TLL2: variants seen among roughly 807,000 people sequenced by gnomAD.
TLL2 encodes the protein tolloid like 2.
Under a neutral mutation model 123.0 loss-of-function variants are expected in TLL2, and 106 were observed. The observed-to-expected ratio is 0.86, with a 90% CI of 0.74 to 1.01. TLL2 has a LOEUF of 1.01. TLL2 is among the 50% of genes least tolerant of loss of function. TLL2 has a pLI of 0.00. For missense variants in TLL2, 1,332 were observed against 1,336.7 expected, an observed-to-expected ratio of 1.00 and a Z score of 0.06; for synonymous variants, 494 against 516.8, an observed-to-expected ratio of 0.96 and a Z score of 0.60.
chr10:96,433,449 G>T (rs573058338), intron 3 of TLL2, among the ~76,000 whole-genome samples: 1 of 152,296 alleles, frequency 6.6e-6, no homozygotes, highest in Non-Finnish European at 1.5e-5. Context: ...GGGAAAAGCA[G>T]ACCCTCATAA....
intron 9 of TLL2, among the ~76,000 whole-genome samples, chr10:96,407,096 A>G (rs1846458696): frequency 1.3e-5 from 2 of 151,734 alleles, no homozygotes; most frequent in African/African-American, 2.4e-5. Flanking sequence ...TCTTCCACCC[A>G]TATATCATGT....
At chr10:96,422,863 T>C in intron 5 of TLL2, 136 bp from the exon 6 acceptor site, 3 of 1,064,064 alleles carry the variant, frequency 2.8e-6, no homozygotes, top group Non-Finnish European at 4.1e-6. Context: ...TGCAGTGGCT[T>C]ACGCCTGTAA....
At chr10:96,402,840 C>A (rs1024872339) in intron 10 of TLL2, among the ~76,000 whole-genome samples, 1 of 152,204 alleles carries the variant, frequency 6.6e-6, no homozygotes, top group East Asian at 1.9e-4. Flanking sequence ...CTACCTCAGC[C>A]TTGGCTCCCC....
chr10:96,370,362 G>A (rs1564892043), intron 19 of TLL2, 47 bp from the exon 20 acceptor site: 1 of 1,505,478 alleles, frequency 6.6e-7, no homozygotes. Flanking sequence ...AGACACCCTC[G>A]TGCCTCCCGC....
chr10:96,423,556 G>A (rs538976110), intron 5 of TLL2, among the ~76,000 whole-genome samples: 6 of 151,894 alleles, frequency 4.0e-5, no homozygotes, highest in African/African-American at 7.2e-5. Context: ...TGTACATCTC[G>A]GCTGTAACTC....
intron 3 of TLL2, among the ~76,000 whole-genome samples, chr10:96,443,324 AT>A (rs970125313): frequency 1.1e-4 from 16 of 152,214 alleles, no homozygotes; most frequent in Non-Finnish European, 2.9e-5. Flanking sequence ...CAGGCCTTAA[AT>A]GGACTGGCAA....
intron 9 of TLL2, 58 bp from the exon 10 acceptor site, chr10:96,405,392 A>G: frequency 6.5e-7 from 1 of 1,529,580 alleles, no homozygotes; most frequent in South Asian, 1.1e-5. Flanking sequence ...GTTTGGGAAG[A>G]TATATCTTGC....
intron 16 of TLL2, among the ~76,000 whole-genome samples, chr10:96,379,693 A>G (rs1039735839): frequency 1.3e-5 from 2 of 152,166 alleles, no homozygotes; most frequent in Non-Finnish European, 2.9e-5. Context: ...GTGGTGGTGC[A>G]TGCCTGTAAT....
At chr10:96,502,735 G>T (rs1847546665) in intron 1 of TLL2, among the ~76,000 whole-genome samples, 1 of 152,146 alleles carries the variant, frequency 6.6e-6, no homozygotes, top group South Asian at 2.1e-4. Flanking sequence ...GGTAGCTTGA[G>T]GCTGTTGCTG....
At position 96,371,760 on chromosome 10, in the gene TLL2, C is replaced by T. The variant is rs367671939; in HGVS notation, c.2663-1445G>A. Among the ~76,000 whole-genome samples, 17 of 152,324 alleles carry T rather than the reference C, an allele frequency of 1.1e-4. No individual in the cohort carries two copies. In the South Asian group the frequency reaches 1.7e-3, roughly 15 times the overall value. Reference sequence around the variant, plus strand: ...GACCCCTGGCCTACATCGATGACCCCGTGCCTTCTGCTGCAGGTTCAGCCA... The same window carrying T: ...GACCCCTGGCCTACATCGATGACCCTGTGCCTTCTGCTGCAGGTTCAGCCA... On this transcript the variant is annotated intron_variant, in intron 19 of 20. Coordinates refer to ENST00000357947, the MANE Select transcript of TLL2 (RefSeq NM_012465.4).
chr10:96,497,666 C>T (rs535903993), intron 1 of TLL2, among the ~76,000 whole-genome samples: 2 of 152,350 alleles, frequency 1.3e-5, no homozygotes, highest in African/African-American at 2.4e-5. Context: ...CTGCCCCTCA[C>T]CACAGGGATA....
chr10:96,441,835 T>A (rs1846853610), intron 3 of TLL2, among the ~76,000 whole-genome samples: 1 of 152,210 alleles, frequency 6.6e-6, no homozygotes, highest in African/African-American at 2.4e-5. Context: ...CCAAGTAAAC[T>A]GACGTAAGTG....
intron 5 of TLL2, among the ~76,000 whole-genome samples, chr10:96,425,261 C>G (rs1298482266): frequency 1.6e-5 from 1 of 63,922 alleles, no homozygotes; most frequent in Non-Finnish European, 3.9e-5. Context: ...TTACTGTTTT[C>G]TCTCTCTCTC....
chr10:96,402,396 A>T (rs1846405266), intron 10 of TLL2, among the ~76,000 whole-genome samples: 1 of 152,178 alleles, frequency 6.6e-6, no homozygotes, highest in Non-Finnish European at 1.5e-5. Flanking sequence ...ATTCCAATTC[A>T]CGGTCTCCCA....
chr10:96,415,858 G>A (rs1334244513), intron 7 of TLL2, among the ~76,000 whole-genome samples: 1 of 145,312 alleles, frequency 6.9e-6, no homozygotes, highest in Non-Finnish European at 1.5e-5. Context: ...ACATCACTTT[G>A]TTATCTTTTT....
chr10:96,459,628 C>T (rs545520590), intron 2 of TLL2, among the ~76,000 whole-genome samples: 10 of 123,368 alleles, frequency 8.1e-5, no homozygotes, highest in African/African-American at 3.1e-4. Context: ...CAAAATTGTG[C>T]CACTGCACTC....
chr10:96,509,035 C>A (rs1035814415), intron 1 of TLL2, among the ~76,000 whole-genome samples: 5 of 152,066 alleles, frequency 3.3e-5, no homozygotes, highest in Non-Finnish European at 7.4e-5. Flanking sequence ...ACTTAGAATC[C>A]AGCTGCCATG....
At chr10:96,401,383 A>G (rs1056649971) in intron 10 of TLL2, among the ~76,000 whole-genome samples, 2 of 152,174 alleles carry the variant, frequency 1.3e-5, no homozygotes, top group Non-Finnish European at 2.9e-5. Flanking sequence ...GGCCGACACA[A>G]TGCACTTGTT....
intron 2 of TLL2, among the ~76,000 whole-genome samples, chr10:96,468,749 G>C (rs1847152496): frequency 6.6e-6 from 1 of 152,146 alleles, no homozygotes; most frequent in South Asian, 2.1e-4. Flanking sequence ...TGCCCCACCT[G>C]GCCCTGCACC....
Sources: gnomAD v4.1 joint callset for allele counts (sites outside exome capture counted in the v4.1 genomes callset) on GRCh38, gnomAD v4.1.1 for gene constraint, MANE v1.5 for transcripts, NCBI Gene and HGNC (gene_info 2026-07-23, HGNC 2026-07-21) for gene names.